Variants in SRSF11 observed in about 807,000 individuals in gnomAD.
SRSF11 encodes the protein serine and arginine rich splicing factor 11.
In SRSF11, 9 loss-of-function variants were observed where a neutral mutation model predicts 56.0. That is an observed-to-expected ratio of 0.16 (90% confidence interval 0.10 to 0.28). SRSF11 has a LOEUF of 0.28. Among genes scored for constraint, SRSF11 ranks in the 10% least tolerant of loss-of-function variants. The pLI is 1.00. For synonymous variants in SRSF11, 222 were observed against 215.3 expected (o/e 1.03, Z -0.27); for missense variants, 421 against 600.7 (o/e 0.70, Z 3.13).
chr1:70,232,113 G>C (rs1672945586), intron 2 of SRSF11, 155 bp from the exon 3 acceptor site: 2 of 1,548,574 alleles, frequency 1.3e-6, no homozygotes, highest in East Asian at 4.9e-5. Context: ...TAAAATTAAT[G>C]ATAAATAATC....
Position 70,251,086 on chromosome 1 carries a change from C to A in SRSF11, c.*281C>A. 1 of 346,160 alleles carries A rather than the reference C, an allele frequency of 2.9e-6. No individual in the cohort carries two copies. The highest frequency in any genetic ancestry group is 4.8e-5 in the South Asian group (1 of 20,702). The allele number at this position is 346,160 out of a possible 1,614,324, so 21.4% of individuals were successfully genotyped here. A position where few individuals can be genotyped will look rare whatever the true frequency, so the allele number is the denominator to read the frequency against. On this transcript the variant is annotated 3_prime_UTR_variant, in exon 12 of 12. Transcript: ENST00000370949. ...AACAAAAATGAAAAGCTGCATGCAT[C>A]TACAGCAGGCATGGATTGTTTATGT...
chr1:70,230,651 G>C, intron 2 of SRSF11: 1 of 1,251,842 alleles, frequency 8.0e-7, no homozygotes, highest in Non-Finnish European at 1.0e-6. Context: ...TTAAATTGTA[G>C]TTTTATTTTT....
At position 70,235,546 on chromosome 1, in the gene SRSF11, C is replaced by A; in HGVS notation, c.586C>A (p.Pro196Thr). Residue 196 changes from proline to threonine, a missense_variant, in exon 5 of 12, where the codon CCC becomes ACC. By Grantham distance (38) the Pro-to-Thr change is conservative. This residue lies in a region of SRSF11 where 168 missense variants were observed against 294.9 expected (regional missense o/e 0.57). Coordinates refer to ENST00000370949, the MANE Select transcript of SRSF11 (RefSeq NM_001350605.2). ...GCTGAAGCTTATGAGTACTGTTGAT[C>A]CCAAGTAAGCGTTTTTTCTTTGTTT... is the stretch of plus-strand genomic sequence containing the variant. ...QLLKLMSTVD[P>T]KLNHVAAGLV... 1 of 1,610,178 alleles carries A rather than the reference C, an allele frequency of 6.2e-7. No individual in the cohort carries two copies. Among genetic ancestry groups the A allele is most frequent in the East Asian group, 2.2e-5 (1 of 44,758 alleles).
At chr1:70,207,098 G>A (rs1341844286) in intron 1 of SRSF11, among the ~76,000 whole-genome samples, 1 of 151,868 alleles carries the variant, frequency 6.6e-6, no homozygotes, top group Non-Finnish European at 1.5e-5. Context: ...CGCCATGTTG[G>A]TCAGGCTGGT....
intron 1 of SRSF11, among the ~76,000 whole-genome samples, chr1:70,223,545 G>C (rs1472395341): frequency 6.6e-6 from 1 of 152,044 alleles, no homozygotes; most frequent in African/African-American, 2.4e-5. Context: ...TGCATTAAAA[G>C]GACTCCCTTC....
chr1:70,216,087 G>C (rs1370076130), intron 1 of SRSF11, among the ~76,000 whole-genome samples: 4 of 152,062 alleles, frequency 2.6e-5, no homozygotes, highest in Non-Finnish European at 5.9e-5. Context: ...TGCGTGGCCT[G>C]TCTGCTCTCC....
At chr1:70,231,812 A>ATCTT in intron 2 of SRSF11, 1 of 1,389,380 alleles carries the variant, frequency 7.2e-7, no homozygotes, top group Non-Finnish European at 9.5e-7. Context: ...CCCCTAAATC[A>ATCTT]AACTTTTTTT....
rs1678099111 is a variant in SRSF11 at position 70,252,527 on chromosome 1, A to G, written c.*1722A>G. ...TAACCTAAAAACTGAAATGCCATATAGAAAAACAGCATTGTTTTTACAGTT... is the reference window on the plus strand; with the variant it reads ...TAACCTAAAAACTGAAATGCCATATGGAAAAACAGCATTGTTTTTACAGTT... On this transcript the variant is annotated 3_prime_UTR_variant, in exon 12 of 12. Coordinates refer to ENST00000370949, the MANE Select transcript of SRSF11 (RefSeq NM_001350605.2). The G allele has an allele frequency of 1.3e-5, 2 of 152,186 alleles. No homozygotes were observed. The highest frequency in any genetic ancestry group is 4.8e-5 in the African/African-American group (2 of 41,460). 9.4% of individuals were successfully genotyped at this position (152,186 alleles called of 1,614,324 possible).
intron 7 of SRSF11, 79 bp from the exon 8 acceptor site, chr1:70,244,605 C>A: frequency 6.8e-7 from 1 of 1,479,988 alleles, no homozygotes; most frequent in Non-Finnish European, 9.2e-7. Context: ...ATGTCCGAAT[C>A]TTTTGTCTGA....
chr1:70,236,481 C>T (rs1674068718), intron 5 of SRSF11, among the ~76,000 whole-genome samples: 1 of 151,992 alleles, frequency 6.6e-6, no homozygotes, highest in South Asian at 2.1e-4. Context: ...TGGGCACAAG[C>T]CACCACATCC....
chr1:70,240,770 C>CTT (rs72113966), intron 7 of SRSF11, among the ~76,000 whole-genome samples: 1,449 of 109,716 alleles, frequency 0.013, 39 homozygotes, highest in East Asian at 0.094. Flanking sequence ...CATCACTGGA[C>CTT]TTTTTTTTTT....
At chr1:70,240,975 T>C (rs1246193707) in intron 7 of SRSF11, among the ~76,000 whole-genome samples, 2 of 152,018 alleles carry the variant, frequency 1.3e-5, no homozygotes, top group African/African-American at 4.8e-5. Context: ...TTTTTCCATG[T>C]TGGTCAGGCT....
chr1:70,225,348 T>C (rs1323253200), intron 1 of SRSF11, among the ~76,000 whole-genome samples: 1 of 152,156 alleles, frequency 6.6e-6, no homozygotes, highest in African/African-American at 2.4e-5. Flanking sequence ...ATGGTTTTAA[T>C]TGATGCACCA....
chr1:70,252,351 G>A lies in SRSF11; in HGVS notation c.*1546G>A, dbSNP rs999828672. 6.6e-6 allele frequency: 1 copy of A among 152,048 alleles called. No homozygotes were observed. The highest frequency in any genetic ancestry group is 1.5e-5 in the Non-Finnish European group (1 of 67,978). The allele number at this position is 152,048 out of a possible 1,614,324, so 9.4% of individuals were successfully genotyped here. A position where few individuals can be genotyped will look rare whatever the true frequency, so the allele number is the denominator to read the frequency against. ...TTTGCCTTTCTGGAGTAGTATAGAA[G>A]CTGTCAATATGTATCTACTGTACAG... On this transcript the variant is annotated 3_prime_UTR_variant, in exon 12 of 12. Transcript: ENST00000370949.
At chr1:70,207,625 C>G (rs1256345405) in intron 1 of SRSF11, among the ~76,000 whole-genome samples, 2 of 151,904 alleles carry the variant, frequency 1.3e-5, no homozygotes, top group Admixed American at 1.3e-4. Flanking sequence ...AACAACCTAC[C>G]TTTGGGGAAG....
At chr1:70,221,910 T>C in intron 1 of SRSF11, 71 bp downstream of exon 1, 1 of 1,573,848 alleles carries the variant, frequency 6.4e-7, no homozygotes, top group Non-Finnish European at 8.6e-7. Context: ...ACAATTTCCT[T>C]AGGCCCCTGT....
intron 1 of SRSF11, among the ~76,000 whole-genome samples, chr1:70,207,825 A>G (rs1669193202): frequency 6.6e-6 from 1 of 151,940 alleles, no homozygotes; most frequent in East Asian, 1.9e-4. Flanking sequence ...TCCTGGGCTC[A>G]AACAGTCCTC....
At chr1:70,227,399 T>C (rs1007278065) in intron 1 of SRSF11, among the ~76,000 whole-genome samples, 7 of 152,156 alleles carry the variant, frequency 4.6e-5, no homozygotes, top group African/African-American at 1.7e-4. Context: ...TGCATAAAAT[T>C]GTCAGAGAGA....
chr1:70,242,126 G>A (rs1200918163), intron 7 of SRSF11, among the ~76,000 whole-genome samples: 6 of 148,204 alleles, frequency 4.0e-5, no homozygotes, highest in Admixed American at 6.8e-5. Flanking sequence ...CCAGGATGGC[G>A]CCACTGCACT....
Sources: gnomAD v4.1 joint callset for allele counts (sites outside exome capture counted in the v4.1 genomes callset) on GRCh38, gnomAD v4.1.1 for gene constraint, gnomAD v4.1.1 regional missense constraint, MANE v1.5 for transcripts, NCBI Gene and HGNC (gene_info 2026-07-23, HGNC 2026-07-21) for gene names.